ZMYM4: variants seen among roughly 807,000 people sequenced by gnomAD.
The protein encoded by ZMYM4 is zinc finger MYM-type protein 4.
ZMYM4 carries 31 observed loss-of-function variants against 183.2 expected under a neutral mutation model. That is an observed-to-expected ratio of 0.17 (90% CI 0.13 to 0.23). The LOEUF (loss-of-function observed/expected upper bound fraction) is 0.23, where lower values mean the gene tolerates loss of function less well. Ranked by LOEUF, ZMYM4 falls within the 10% of genes least tolerant of loss-of-function variation. The probability of loss-of-function intolerance (pLI) is 1.00; values close to 1 mark genes in which losing one functional copy is unlikely to be tolerated. For missense variants in ZMYM4, 1,273 were observed against 1,840.3 expected (o/e 0.69, Z 5.64); for synonymous variants, 592 against 631.2 (o/e 0.94, Z 0.93).
intron 1 of ZMYM4, among the ~76,000 whole-genome samples, chr1:35,313,997 A>T (rs1641922185): frequency 6.6e-6 from 1 of 152,124 alleles, no homozygotes; most frequent in Admixed American, 6.5e-5. Flanking sequence ...CCTCTGCTTA[A>T]CTTTAGGTAT....
At chr1:35,318,292 A>AGGTG (rs1212811200) in intron 1 of ZMYM4, among the ~76,000 whole-genome samples, 1 of 151,996 alleles carries the variant, frequency 6.6e-6, no homozygotes, top group Non-Finnish European at 1.5e-5. Context: ...TCTTGACCTC[A>AGGTG]GGTGATCCAC....
chr1:35,280,236 TTCTTTCTC>T (rs1264813358), intron 1 of ZMYM4, among the ~76,000 whole-genome samples: 1 of 149,038 alleles, frequency 6.7e-6, no homozygotes, highest in Non-Finnish European at 1.5e-5. Context: ...CCCTTTCTCT[TTCTTTCTC>T]TCTTTCTTTC....
intron 1 of ZMYM4, among the ~76,000 whole-genome samples, chr1:35,274,783 C>G (rs573599262): frequency 1.3e-5 from 2 of 151,824 alleles, no homozygotes; most frequent in South Asian, 4.1e-4. Context: ...AAGTATTTTA[C>G]ATGTGATGTA....
At chr1:35,284,802 G>C (rs868408322) in intron 1 of ZMYM4, among the ~76,000 whole-genome samples, 17 of 152,172 alleles carry the variant, frequency 1.1e-4, no homozygotes, top group Admixed American at 3.9e-4. Flanking sequence ...AGGTGAGAGA[G>C]AGTGTAAGCT....
At chr1:35,328,364 C>T (rs1642593097) in intron 2 of ZMYM4, among the ~76,000 whole-genome samples, 1 of 152,046 alleles carries the variant, frequency 6.6e-6, no homozygotes, top group Non-Finnish European at 1.5e-5. Context: ...TCACTACAAC[C>T]TTGAACTCCT....
chr1:35,411,915 C>T (rs1639916694), intron 26 of ZMYM4, among the ~76,000 whole-genome samples: 1 of 152,196 alleles, frequency 6.6e-6, no homozygotes, highest in Non-Finnish European at 1.5e-5. Context: ...CGGAGTCTCA[C>T]TCTGTCGCCC....
At chr1:35,395,097 G>A (rs764098332) in intron 18 of ZMYM4, among the ~76,000 whole-genome samples, 5 of 152,042 alleles carry the variant, frequency 3.3e-5, no homozygotes, top group Non-Finnish European at 7.3e-5. Context: ...TTCTTATTCA[G>A]TGAGGCCTGA....
chr1:35,359,891 G>T (rs1643898970), intron 3 of ZMYM4, among the ~76,000 whole-genome samples: 2 of 142,940 alleles, frequency 1.4e-5, no homozygotes, highest in African/African-American at 2.7e-5. Flanking sequence ...TATCTGAAAG[G>T]GAGTTTTTTT....
Position 35,392,207 on chromosome 1 carries a change from A to C in ZMYM4, c.2588-5A>C. The stretch of plus-strand genomic sequence containing the variant: ...GGTTTCCTTATTTTTGTTTATTTTA[A>C]TCAGCAAATATTTCCATGGTTCAAG... On this transcript the variant is annotated splice_region_variant and splice_polypyrimidine_tract_variant and intron_variant, in intron 15 of 29. Coordinates refer to ENST00000314607, the MANE Select transcript of ZMYM4 (RefSeq NM_005095.3). 6.2e-7 allele frequency: 1 copy of C among 1,614,174 alleles called. No individual in the cohort carries two copies. Among genetic ancestry groups the C allele is most frequent in the Non-Finnish European group, 8.5e-7 (1 of 1,180,006 alleles).
At chr1:35,358,442 T>TTC (rs35316684) in intron 2 of ZMYM4, among the ~76,000 whole-genome samples, 2,090 of 152,294 alleles carry the variant, frequency 0.014, 52 homozygotes, top group African/African-American at 0.047. Context: ...TTTCCCTGAA[T>TTC]AATCGCCATA....
chr1:35,352,191 G>A (rs1643633454), intron 2 of ZMYM4, among the ~76,000 whole-genome samples: 1 of 152,110 alleles, frequency 6.6e-6, no homozygotes, highest in Non-Finnish European at 1.5e-5. Flanking sequence ...TTGAGTCCAG[G>A]AGTTCAAGAC....
rs1006010151 is a variant in ZMYM4, at chr1:35,389,520, C to T, written c.2437-428C>T. On this transcript the variant is annotated intron_variant, in intron 14 of 29. Transcript: ENST00000314607. The surrounding 1 kb of genome is among the most constrained non-coding windows in gnomAD (Gnocchi z 4.0). ...CTGTAATCCCAGCACTTTGGGAGGC[C>T]GAGGCGGGTGGATCATGAGGTTAGG... Among the ~76,000 whole-genome samples, 3 of 151,826 alleles carry T rather than the reference C, an allele frequency of 2.0e-5. No individual in the cohort carries two copies. Among genetic ancestry groups the T allele is most frequent in the African/African-American group, 7.3e-5 (3 of 41,344 alleles).
chr1:35,406,118 A>G (rs1644998985), intron 25 of ZMYM4, among the ~76,000 whole-genome samples: 1 of 152,046 alleles, frequency 6.6e-6, no homozygotes, highest in South Asian at 2.1e-4. Flanking sequence ...TTCCAACTAT[A>G]TCTTCTTTCT....
At chr1:35,325,273 C>T in intron 1 of ZMYM4, 87 bp from the exon 2 acceptor site, 4 of 1,229,240 alleles carry the variant, frequency 3.3e-6, no homozygotes, top group Non-Finnish European at 4.5e-6. Flanking sequence ...AAAATTACAG[C>T]TCCTTGGGGA....
At chr1:35,410,520 G>T (rs984034428) in intron 26 of ZMYM4, among the ~76,000 whole-genome samples, 1 of 151,234 alleles carries the variant, frequency 6.6e-6, no homozygotes, top group Non-Finnish European at 1.5e-5. Context: ...ATGGAGTCTC[G>T]CTCTGTCGCC....
intron 1 of ZMYM4, among the ~76,000 whole-genome samples, chr1:35,284,101 C>T (rs534051587): frequency 3.3e-5 from 5 of 151,870 alleles, no homozygotes; most frequent in African/African-American, 7.3e-5. Context: ...CTCAGCCTCC[C>T]GAGTAGCTGG....
chr1:35,418,241 CTTTG>C (rs1640200128), intron 28 of ZMYM4, among the ~76,000 whole-genome samples, 198 bp from the exon 29 acceptor site: 3 of 152,126 alleles, frequency 2.0e-5, no homozygotes, highest in Admixed American at 2.0e-4. Flanking sequence ...GGGATAGGGA[CTTTG>C]TTTAATGCCA....
At chr1:35,274,146 TCATTACAA>T (rs143443564) in intron 1 of ZMYM4, among the ~76,000 whole-genome samples, 4,796 of 152,286 alleles carry the variant, frequency 0.031, 244 homozygotes, top group East Asian at 0.24. Context: ...GCGGTACATA[TCATTACAA>T]TATTTGCGGT....
At chr1:35,319,606 G>A (rs924825641) in intron 1 of ZMYM4, among the ~76,000 whole-genome samples, 1 of 152,032 alleles carries the variant, frequency 6.6e-6, no homozygotes, top group African/African-American at 2.4e-5. Flanking sequence ...CTGGGCAACA[G>A]AGCAAGACCC....
Sources: allele counts gnomAD v4.1 joint callset (sites outside exome capture counted in the v4.1 genomes callset), GRCh38; gene constraint gnomAD v4.1.1; non-coding constraint Gnocchi (gnomAD v3.1); transcripts MANE v1.5; gene names NCBI Gene and HGNC (gene_info 2026-07-23, HGNC 2026-07-21).